AMD1: variants seen among roughly 807,000 people sequenced by gnomAD.
The protein encoded by AMD1 is adenosylmethionine decarboxylase 1, also known as S-adenosylmethionine decarboxylase proenzyme.
AMD1 carries 11 observed loss-of-function variants against 40.2 expected under a neutral mutation model. That is an observed-to-expected ratio of 0.27 (90% CI 0.17 to 0.45). The LOEUF is 0.45. Ranked by LOEUF, AMD1 falls within the 20% of genes least tolerant of loss-of-function variation. AMD1 has a pLI of 1.00. For synonymous variants in AMD1, 121 were observed against 130.8 expected (o/e 0.93, Z 0.51); for missense variants, 257 against 410.2 (o/e 0.63, Z 3.23).
intron 3 of AMD1, chr6:110,889,189 A>C: frequency 2.6e-6 from 1 of 382,852 alleles, no homozygotes; most frequent in Non-Finnish European, 4.3e-6. Context: ...ATGAAATTCA[A>C]ATGGGAGAAA....
chr6:110,816,105 A>G, the AMD1 span: 1 of 152,336 alleles, frequency 6.6e-6, no homozygotes. Flanking sequence ...GCAGTTTCCT[A>G]GAGCCTGCCT....
At chr6:110,817,100 G>T in the AMD1 span, among the ~76,000 whole-genome samples, 3 of 152,120 alleles carry the variant, frequency 2.0e-5, no homozygotes, top group African/African-American at 7.2e-5. Context: ...CAAATGTTTG[G>T]GATACACACT....
At chr6:110,851,348 T>C in the AMD1 span, among the ~76,000 whole-genome samples, 2,860 of 152,308 alleles carry the variant, frequency 0.019, 36 homozygotes, top group Non-Finnish European at 0.031. Flanking sequence ...GCAATCGCCC[T>C]GCCTTGACCT....
chr6:110,880,552 G>C (rs1185748118), intron 1 of AMD1, among the ~76,000 whole-genome samples: 1 of 152,186 alleles, frequency 6.6e-6, no homozygotes, highest in Admixed American at 6.6e-5. Flanking sequence ...TAAGGTAAAA[G>C]TCCAACTTAA....
the AMD1 span, among the ~76,000 whole-genome samples, chr6:110,840,749 T>TG: frequency 1.0e-3 from 26 of 25,422 alleles, no homozygotes; most frequent in Non-Finnish European, 1.7e-3. Context: ...CAGAAAGGGT[T>TG]GGGGGGGTGG....
At chr6:110,860,197 T>G in the AMD1 span, among the ~76,000 whole-genome samples, 3 of 151,810 alleles carry the variant, frequency 2.0e-5, no homozygotes. Context: ...TACTGCTCCG[T>G]CTCCCCTGGC....
upstream of AMD1, among the ~76,000 whole-genome samples, chr6:110,873,971 A>C (rs74700227): frequency 2.2e-4 from 34 of 152,338 alleles, 2 homozygotes; most frequent in East Asian, 6.5e-3. Flanking sequence ...TTCTAGAAGT[A>C]GTTTTGCTGA....
At chr6:110,861,181 A>C in the AMD1 span, among the ~76,000 whole-genome samples, 1,713 of 152,178 alleles carry the variant, frequency 0.011, 32 homozygotes, top group African/African-American at 0.039. Context: ...ACATGGTGAA[A>C]CCTTGTCTCT....
the AMD1 span, among the ~76,000 whole-genome samples, chr6:110,847,063 G>GTGTGTGTGTGGTGTGTGTGT: frequency 7.0e-6 from 1 of 143,180 alleles, no homozygotes; most frequent in Non-Finnish European, 1.5e-5. Flanking sequence ...GTGTGTGTGT[G>GTGTGTGTGTGGTGTGTGTGT]GTGTGTGTGT....
chr6:110,859,023 C>T, the AMD1 span: 2 of 1,212,448 alleles, frequency 1.6e-6, no homozygotes, highest in South Asian at 1.2e-5. Context: ...TGGCCTGGGC[C>T]GGCAGATACA....
intron 3 of AMD1, chr6:110,889,219 C>T: frequency 3.6e-6 from 1 of 278,550 alleles, no homozygotes; most frequent in Admixed American, 5.2e-5. Context: ...AAGCCAGACA[C>T]TTCCAGTAGT....
chr6:110,824,242 T>C, the AMD1 span, among the ~76,000 whole-genome samples: 4 of 152,162 alleles, frequency 2.6e-5, no homozygotes, highest in Admixed American at 1.3e-4. Flanking sequence ...CACTCATTCA[T>C]AAAAAAGAAT....
intron 1 of AMD1, among the ~76,000 whole-genome samples, chr6:110,876,480 C>T (rs778554556): frequency 6.6e-6 from 1 of 152,222 alleles, no homozygotes; most frequent in Non-Finnish European, 1.5e-5. Flanking sequence ...CAAAAAGCAA[C>T]TGGAAAAGGG....
At chr6:110,831,083 T>C in the AMD1 span, among the ~76,000 whole-genome samples, 2 of 152,184 alleles carry the variant, frequency 1.3e-5, no homozygotes, top group Non-Finnish European at 2.9e-5. Context: ...TTTCTCTCCA[T>C]GATCATTACT....
chr6:110,835,120 A>G, the AMD1 span, among the ~76,000 whole-genome samples: 1 of 147,640 alleles, frequency 6.8e-6, no homozygotes, highest in Admixed American at 6.8e-5. Flanking sequence ...CTGGGTTCAC[A>G]CCATTCTCCT....
the AMD1 span, among the ~76,000 whole-genome samples, chr6:110,816,615 T>C: frequency 6.6e-6 from 1 of 152,276 alleles, no homozygotes; most frequent in Non-Finnish European, 1.5e-5. Context: ...AAAGGAATCT[T>C]ACCAGAAAGA....
intron 1 of AMD1, 98 bp downstream of exon 1, chr6:110,875,313 G>T: frequency 9.8e-7 from 1 of 1,023,754 alleles, no homozygotes; most frequent in Non-Finnish European, 1.5e-6. Flanking sequence ...TCAGCTTTCA[G>T]TTGGGGGCAA....
intron 2 of AMD1, 62 bp downstream of exon 2, chr6:110,887,653 T>TTC: frequency 8.3e-7 from 1 of 1,198,178 alleles, no homozygotes; most frequent in South Asian, 1.5e-5. Context: ...TGTGAAACAG[T>TTC]TAAGTTCCTC....
chr6:110,863,617 G>A, the AMD1 span, among the ~76,000 whole-genome samples: 5 of 151,682 alleles, frequency 3.3e-5, no homozygotes, highest in Non-Finnish European at 5.9e-5. Context: ...TGATCCATCC[G>A]CCTCGGCCTT....
Sources: allele counts gnomAD v4.1 joint callset (sites outside exome capture counted in the v4.1 genomes callset), GRCh38; gene constraint gnomAD v4.1.1; transcripts MANE v1.5; gene names NCBI Gene and HGNC (gene_info 2026-07-23, HGNC 2026-07-21).